Variants in RIT2 observed in about 807,000 individuals in gnomAD.
RIT2 encodes the protein Ras like without CAAX 2, also known as GTP-binding protein Rit2.
In RIT2, 24 loss-of-function variants were observed where a neutral mutation model predicts 23.7. That is an observed-to-expected ratio of 1.01 (90% CI 0.73 to 1.43). The LOEUF (loss-of-function observed/expected upper bound fraction) is 1.43. Among genes scored for constraint, RIT2 ranks in the 40% most tolerant of loss-of-function variants. The probability of loss-of-function intolerance (pLI) is 0.00; values close to 1 mark genes in which losing one functional copy is unlikely to be tolerated. For missense variants in RIT2, 236 were observed against 266.9 expected (o/e 0.88, Z 0.81); for synonymous variants, 107 against 91.1 (o/e 1.17, Z -0.99).
chr18:42,750,937 G>T (rs944710274), intron 4 of RIT2, among the ~76,000 whole-genome samples: 4 of 151,784 alleles, frequency 2.6e-5, no homozygotes, highest in Non-Finnish European at 5.9e-5. Flanking sequence ...ATAAGAAGGA[G>T]GTAGGAAGAA....
intron 4 of RIT2, among the ~76,000 whole-genome samples, chr18:42,899,011 T>C (rs995233640): frequency 6.6e-6 from 1 of 152,126 alleles, no homozygotes. Context: ...TTCATTGTGG[T>C]AATTAATACT....
rs532900466 is a variant in RIT2, at chr18:42,877,743, A to G, written c.426+45829T>C. The stretch of plus-strand genomic sequence containing the variant: ...TAACAAGTGAACAATTTAACACCCG[A>G]CCTTATCTGACGAGTTGTAGACAAA... On this transcript the variant is annotated intron_variant, in intron 4 of 4. Transcript: ENST00000326695. 1.8e-4 allele frequency among the ~76,000 whole-genome samples: 27 copies of G among 151,802 alleles called. No homozygotes were observed. In the East Asian group the frequency reaches 5.2e-3, roughly 29 times the overall value.
intron 4 of RIT2, among the ~76,000 whole-genome samples, chr18:42,849,755 A>G (rs1322957600): frequency 6.6e-6 from 1 of 152,178 alleles, no homozygotes. Context: ...CAGAACAATA[A>G]TGTATGAATT....
chr18:42,852,828 CCTTT>C (rs1363415760), intron 4 of RIT2, among the ~76,000 whole-genome samples: 68 of 121,718 alleles, frequency 5.6e-4, no homozygotes, highest in African/African-American at 2.0e-3. Context: ...TTCCTTCCTT[CCTTT>C]CTTTCTTTTC....
At position 43,026,759 on chromosome 18, in the gene RIT2, G is replaced by T. The variant is rs1460608732; in HGVS notation, c.160+7052C>A. Reference sequence around the variant, plus strand: ...AATGTCTATTAGACATCTAAATGGAGAAGTTGTGTTGGAAGCTAGAGATAT... The same window carrying T: ...AATGTCTATTAGACATCTAAATGGATAAGTTGTGTTGGAAGCTAGAGATAT... On this transcript the variant is annotated intron_variant, in intron 2 of 4. Coordinates refer to ENST00000326695, the MANE Select transcript of RIT2 (RefSeq NM_002930.4). Among the ~76,000 whole-genome samples, 3 of 151,566 alleles carry T rather than the reference G, an allele frequency of 2.0e-5. No homozygotes were observed. The East Asian group carries it at 5.8e-4, about 29-fold the overall frequency.
chr18:42,747,302 G>A (rs1250668974), intron 4 of RIT2, among the ~76,000 whole-genome samples: 1 of 151,814 alleles, frequency 6.6e-6, no homozygotes, highest in Non-Finnish European at 1.5e-5. Flanking sequence ...TACAATAGCT[G>A]CTAAATAAAT....
Position 42,928,401 on chromosome 18 carries a change from T to C in RIT2, c.235-4638A>G, listed in dbSNP as rs567023655. 1.1e-4 allele frequency among the ~76,000 whole-genome samples: 16 copies of C among 152,190 alleles called. No individual in the cohort carries two copies. In the East Asian group the frequency reaches 2.9e-3, roughly 28 times the overall value. ...TGTTCTTCCTTAACTTTATTATTTG[T>C]ACAGAGCTCCTCAACTTTCAGGTAA... is the stretch of plus-strand genomic sequence containing the variant. On this transcript the variant is annotated intron_variant, in intron 3 of 4. Transcript: ENST00000326695.
Position 42,923,520 on chromosome 18 carries a change from T to C in RIT2, c.426+52A>G, listed in dbSNP as rs8088254. ...CTGGGAAAGCAGCCATATTTTGTAC[T>C]ATGCATCCTCAGAGCAAAAGACAGA... On this transcript the variant is annotated intron_variant, in intron 4 of 4. Transcript: ENST00000326695. The C allele has an allele frequency of 1.1e-3, 1,563 of 1,459,468 alleles. 19 individuals carry two copies. The African/African-American group carries it at 0.019, about 18-fold the overall frequency. The allele number at this position is 1,459,468 out of a possible 1,614,324, so 90.4% of individuals were successfully genotyped here.
chr18:43,013,000 A>G (rs1911386268), intron 2 of RIT2, among the ~76,000 whole-genome samples: 1 of 151,840 alleles, frequency 6.6e-6, no homozygotes, highest in Non-Finnish European at 1.5e-5. Flanking sequence ...AAAGGGAACA[A>G]AAGCACTAGC....
chr18:43,047,988 A>C (rs199739224), intron 1 of RIT2, among the ~76,000 whole-genome samples: 1 of 152,110 alleles, frequency 6.6e-6, no homozygotes, highest in East Asian at 1.9e-4. Context: ...AGGCCAATGA[A>C]ATGGCTGCAG....
intron 2 of RIT2, among the ~76,000 whole-genome samples, chr18:43,002,153 C>A (rs1911121713): frequency 6.6e-6 from 1 of 151,982 alleles, no homozygotes. Context: ...TCAAGAGCCT[C>A]TGGCAAACCA....
chr18:42,756,465 C>T (rs1368990550), intron 4 of RIT2, among the ~76,000 whole-genome samples: 4 of 152,002 alleles, frequency 2.6e-5, no homozygotes, highest in Non-Finnish European at 4.4e-5. Flanking sequence ...GGAAAGGTTG[C>T]CATGGCAGCC....
rs982818395 is a variant in RIT2 at position 43,051,664 on chromosome 18, C to A, written c.104-17797G>T. 2.0e-5 allele frequency among the ~76,000 whole-genome samples: 3 copies of A among 152,122 alleles called. No homozygotes were observed. In the South Asian group the frequency reaches 6.2e-4, roughly 32 times the overall value. ...AAACTTTTTTAGTGTTAACTGCCTA[C>A]TGGCCATTGGTCTAAATCTAAATAA... On this transcript the variant is annotated intron_variant, in intron 1 of 4. Transcript: ENST00000326695.
chr18:42,755,097 G>T (rs1056139350), intron 4 of RIT2, among the ~76,000 whole-genome samples: 4 of 152,166 alleles, frequency 2.6e-5, no homozygotes, highest in African/African-American at 9.6e-5. Flanking sequence ...CACTTATAGA[G>T]TTCCTAGTAT....
chr18:42,961,115 C>A (rs1450702885), intron 3 of RIT2, among the ~76,000 whole-genome samples: 1 of 152,074 alleles, frequency 6.6e-6, no homozygotes, highest in African/African-American at 2.4e-5. Context: ...TTCTGGCTTA[C>A]AGAGTTCATA....
intron 3 of RIT2, among the ~76,000 whole-genome samples, chr18:42,961,030 A>G (rs1598730929): frequency 6.6e-6 from 1 of 152,086 alleles, no homozygotes; most frequent in Admixed American, 6.6e-5. Context: ...TCTACTTTGG[A>G]AAATTAAGGA....
At chr18:42,916,781 G>T (rs776717314) in intron 4 of RIT2, among the ~76,000 whole-genome samples, 2 of 152,084 alleles carry the variant, frequency 1.3e-5, no homozygotes, top group Admixed American at 1.3e-4. Context: ...CAATGACAGA[G>T]ATATTATCAT....
At chr18:42,856,821 C>CTT (rs2018309175) in intron 4 of RIT2, among the ~76,000 whole-genome samples, 1 of 136,444 alleles carries the variant, frequency 7.3e-6, no homozygotes, top group African/African-American at 3.2e-5. Flanking sequence ...TCTTTTCTCT[C>CTT]TCTCTCTTTT....
At chr18:43,060,780 T>A (rs1346224064) in intron 1 of RIT2, among the ~76,000 whole-genome samples, 1 of 152,106 alleles carries the variant, frequency 6.6e-6, no homozygotes, top group East Asian at 1.9e-4. Context: ...AGAAAACAGA[T>A]CTTCTGCCTT....
Sources: gnomAD v4.1 joint callset for allele counts (sites outside exome capture counted in the v4.1 genomes callset) on GRCh38, gnomAD v4.1.1 for gene constraint, MANE v1.5 for transcripts, NCBI Gene and HGNC (gene_info 2026-07-23, HGNC 2026-07-21) for gene names.